The following AKAP9 variants were observed in gnomAD, a reference collection of about 807,000 sequenced individuals.
The protein encoded by AKAP9 is A-kinase anchoring protein 9.
In AKAP9, 311 loss-of-function variants were observed where a neutral mutation model predicts 488.5. The ratio of observed to expected loss-of-function variants is 0.64; its 90% CI spans 0.58 to 0.70. AKAP9 has a LOEUF of 0.70. Among genes scored for constraint, AKAP9 ranks in the 30% least tolerant of loss-of-function variants. AKAP9 has a pLI of 0.00. For missense variants in AKAP9, 4,215 were observed against 4,374.5 expected (o/e 0.96, Z 1.03); for synonymous variants, 1,462 against 1,483.5 (o/e 0.99, Z 0.33).
At chr7:92,049,199 A>G (rs990068779) in intron 21 of AKAP9, among the ~76,000 whole-genome samples, 2 of 152,230 alleles carry the variant, frequency 1.3e-5, no homozygotes, top group African/African-American at 4.8e-5. Context: ...AGGTTCACCA[A>G]TTTGAAATGA....
chr7:92,058,272 C>G, intron 22 of AKAP9: 1 of 586,588 alleles, frequency 1.7e-6, no homozygotes, highest in Non-Finnish European at 3.4e-6. Context: ...GTGCCTTTAC[C>G]ACATCCTTTT....
At chr7:91,978,726 G>T (rs1044921242) in intron 2 of AKAP9, among the ~76,000 whole-genome samples, 2 of 151,412 alleles carry the variant, frequency 1.3e-5, no homozygotes, top group African/African-American at 4.8e-5. Context: ...CAGAGAAATT[G>T]AACTTTTCTT....
In AKAP9 at chr7:92,045,110, G is replaced by A. The variant is rs148463820; in HGVS notation, c.5265G>A (p.Gly1755=). Residue 1755 remains glycine, a synonymous_variant, in exon 21 of 50, where the codon GGG becomes GGA. Coordinates refer to ENST00000356239, the MANE Select transcript of AKAP9 (RefSeq NM_005751.5). The part of the protein sequence containing the change: ...VEETIGRHVL[G]ILDRSSKSQS... ...AAACAATTGGTCGCCATGTCCTTGGGATTCTAGATAGATCTAGTAAAAGCC... is the reference window on the plus strand; with the variant it reads ...AAACAATTGGTCGCCATGTCCTTGGAATTCTAGATAGATCTAGTAAAAGCC... 4 of 1,613,422 alleles carry A rather than the reference G, an allele frequency of 2.5e-6. No homozygotes were observed. In the South Asian group the frequency reaches 4.4e-5, roughly 18 times the overall value.
chr7:92,088,242 C>T lies in AKAP9; in HGVS notation c.9214-1143C>T, dbSNP rs144921631. On this transcript the variant is annotated intron_variant, in intron 37 of 49. Transcript: ENST00000356239. Reference sequence around the variant, plus strand: ...CATACAGTTCCTAATGTGAAGGGCACGATGCCACTTTTGTAGTGTTTTTGT... The same window carrying T: ...CATACAGTTCCTAATGTGAAGGGCATGATGCCACTTTTGTAGTGTTTTTGT... Among the ~76,000 whole-genome samples, 159 of 152,196 alleles carry T rather than the reference C, an allele frequency of 1.0e-3. 2 individuals carry two copies. In the East Asian group the frequency reaches 0.021, roughly 20 times the overall value.
At chr7:92,069,608 G>T (rs1445151821) in intron 26 of AKAP9, among the ~76,000 whole-genome samples, 1 of 152,152 alleles carries the variant, frequency 6.6e-6, no homozygotes, top group Admixed American at 6.6e-5. Context: ...TCAGATTTCA[G>T]ATATTTTGAA....
chr7:92,028,020 G>A (rs1053414525), intron 14 of AKAP9, among the ~76,000 whole-genome samples: 1 of 152,064 alleles, frequency 6.6e-6, no homozygotes, highest in Non-Finnish European at 1.5e-5. Flanking sequence ...TGAAACATGT[G>A]CTGTGTCAAC....
Position 92,061,358 on chromosome 7 carries a change from A to C in AKAP9, c.5700A>C (p.Arg1900=), listed in dbSNP as rs1809755082. The C allele has an allele frequency of 1.9e-6, 3 of 1,613,196 alleles. No individual in the cohort carries two copies. In the East Asian group the frequency reaches 6.7e-5, roughly 36 times the overall value. Reference sequence around the variant, plus strand: ...CCCTTAAGTGCCAAGAGGAACTTCGAGAGCGCCTTCATGAGGAGTCCAGGG... The same window carrying C: ...CCCTTAAGTGCCAAGAGGAACTTCGCGAGCGCCTTCATGAGGAGTCCAGGG... ...TESLKCQEEL[R]ERLHEESRAR... is the part of the protein sequence containing the mutation. The change falls in exon 23 of 50, where the codon CGA becomes CGC. Residue 1900 remains arginine, a synonymous_variant. Coordinates refer to ENST00000356239, the MANE Select transcript of AKAP9 (RefSeq NM_005751.5).
chr7:92,063,836 A>G (rs891775908), intron 24 of AKAP9, among the ~76,000 whole-genome samples: 1 of 152,074 alleles, frequency 6.6e-6, no homozygotes, highest in Admixed American at 6.6e-5. Flanking sequence ...GCTAGAGTGC[A>G]GTGGTCTGAT....
chr7:91,998,286 C>A (rs1458703382), intron 7 of AKAP9, among the ~76,000 whole-genome samples: 1 of 152,100 alleles, frequency 6.6e-6, no homozygotes, highest in Non-Finnish European at 1.5e-5. Context: ...CCCTTCCCTA[C>A]ACAACTGTGT....
intron 22 of AKAP9, chr7:92,057,959 G>A (rs929881050): frequency 4.2e-6 from 1 of 235,390 alleles, no homozygotes; most frequent in Non-Finnish European, 8.4e-6. Flanking sequence ...AGAGACCTAA[G>A]TTTTTTTAGA....
Position 92,002,004 on chromosome 7 carries a change from T to C in AKAP9, c.2087T>C (p.Ile696Thr). ...DNLITKQNQL[I>T]LEISKLKDLQ... ...TTGATAACTAAGCAGAATCAATTAA[T>C]TTTGGAAATTTCAAAGCTAAAAGAT... The change falls in exon 8 of 50, where the codon ATT becomes ACT. Residue 696 changes from isoleucine to threonine, a missense_variant. Ile to Thr is a moderately conservative substitution (Grantham distance 89, BLOSUM62 -1). Around this residue, in one of 5 missense-constraint regions of AKAP9, gnomAD observed 2,361 missense variants for 2,430.0 expected, o/e 0.97. Transcript: ENST00000356239. 6.2e-7 allele frequency: 1 copy of C among 1,611,516 alleles called. No homozygotes were observed. The highest frequency in any genetic ancestry group is 8.5e-7 in the Non-Finnish European group (1 of 1,179,300).
At chr7:92,045,599 G>T (rs1014124355) in intron 21 of AKAP9, among the ~76,000 whole-genome samples, 1 of 152,118 alleles carries the variant, frequency 6.6e-6, no homozygotes, top group Admixed American at 6.5e-5. Flanking sequence ...TAGGAACCCA[G>T]CACCAGCTTC....
chr7:91,941,429 G>A (rs1790746583), intron 1 of AKAP9, among the ~76,000 whole-genome samples: 1 of 152,124 alleles, frequency 6.6e-6, no homozygotes, highest in Non-Finnish European at 1.5e-5. Flanking sequence ...CTGTATTGCT[G>A]TAAACTAGTG....
chr7:92,009,963 G>A (rs918881515), intron 8 of AKAP9, among the ~76,000 whole-genome samples: 1 of 152,082 alleles, frequency 6.6e-6, no homozygotes, highest in Non-Finnish European at 1.5e-5. Context: ...CACTATGGCT[G>A]CAACCTCCCA....
intron 8 of AKAP9, among the ~76,000 whole-genome samples, chr7:92,004,693 C>T (rs1799590091): frequency 6.6e-6 from 1 of 152,148 alleles, no homozygotes; most frequent in Admixed American, 6.5e-5. Context: ...GCTGAAGTTG[C>T]TTATCAGCTT....
chr7:91,971,117 T>A (rs1445077403), intron 1 of AKAP9, among the ~76,000 whole-genome samples: 1 of 152,202 alleles, frequency 6.6e-6, no homozygotes, highest in Non-Finnish European at 1.5e-5. Flanking sequence ...CTGATAATTC[T>A]TAGATTTGAT....
At chr7:91,978,744 GATTT>G (rs201353743) in intron 2 of AKAP9, among the ~76,000 whole-genome samples, 1,880 of 150,956 alleles carry the variant, frequency 0.012, 21 homozygotes, top group Non-Finnish European at 0.018. Flanking sequence ...CTTTTTTATT[GATTT>G]ATTTTAATTA....
intron 1 of AKAP9, among the ~76,000 whole-genome samples, chr7:91,968,579 G>A (rs1408394742): frequency 1.3e-5 from 2 of 151,830 alleles, no homozygotes; most frequent in Non-Finnish European, 2.9e-5. Context: ...TGACTGTTTT[G>A]GCCTCAATTT....
chr7:92,075,355 A>T (rs571968738), intron 28 of AKAP9, among the ~76,000 whole-genome samples: 2 of 152,386 alleles, frequency 1.3e-5, no homozygotes, highest in East Asian at 1.9e-4. Context: ...AAATGTAGGG[A>T]TAGTTGTAAA....
Sources: allele counts gnomAD v4.1 joint callset (sites outside exome capture counted in the v4.1 genomes callset), GRCh38; gene constraint gnomAD v4.1.1; regional missense constraint gnomAD v4.1.1; transcripts MANE v1.5; gene names NCBI Gene and HGNC (gene_info 2026-07-23, HGNC 2026-07-21).